Variants in ELMO1 observed in about 807,000 individuals in gnomAD.
ELMO1 encodes engulfment and cell motility protein 1.
Under a neutral mutation model 98.9 loss-of-function variants are expected in ELMO1, and 26 were observed. The ratio of observed to expected loss-of-function variants is 0.26; its 90% CI spans 0.19 to 0.36. ELMO1 has a LOEUF of 0.36. ELMO1 is among the 10% of genes least tolerant of loss of function. The pLI, the probability that ELMO1 is intolerant of heterozygous loss-of-function variation, is 1.00. For missense variants in ELMO1, 627 were observed against 935.2 expected (o/e 0.67, Z 4.30); for synonymous variants, 346 against 346.0 (o/e 1.00, Z 0.00).
chr7:37,154,998 G>C (rs1788634961), intron 13 of ELMO1, among the ~76,000 whole-genome samples: 1 of 152,126 alleles, frequency 6.6e-6, no homozygotes. Flanking sequence ...AAGAGAGTAG[G>C]GGCCAATATT....
At chr7:36,929,663 T>G (rs1785869492) in intron 16 of ELMO1, among the ~76,000 whole-genome samples, 1 of 152,220 alleles carries the variant, frequency 6.6e-6, no homozygotes, top group South Asian at 2.1e-4. Context: ...AAGCAGCTGA[T>G]GACTTTTATA....
At chr7:37,293,631 T>A (rs1171808521) in intron 4 of ELMO1, among the ~76,000 whole-genome samples, 1 of 106,076 alleles carries the variant, frequency 9.4e-6, no homozygotes, top group Admixed American at 9.7e-5. Context: ...CTTTGTTCAC[T>A]TGTTTATCTG....
At chr7:37,227,602 T>TA (rs1035533545) in intron 8 of ELMO1, among the ~76,000 whole-genome samples, 2 of 152,130 alleles carry the variant, frequency 1.3e-5, no homozygotes, top group Admixed American at 6.5e-5. Context: ...GCCAGGCTGA[T>TA]ATCGAACTCC....
intron 13 of ELMO1, among the ~76,000 whole-genome samples, chr7:37,171,935 T>C (rs1418079428): frequency 2.6e-5 from 4 of 152,212 alleles, no homozygotes; most frequent in Non-Finnish European, 4.4e-5. Flanking sequence ...AGTTGGGTCT[T>C]TTGTTTTTGA....
chr7:37,204,294 C>T (rs780778367), intron 13 of ELMO1: 7 of 447,676 alleles, frequency 1.6e-5, no homozygotes, highest in East Asian at 1.4e-4. Flanking sequence ...TTCTGATGTT[C>T]GGACATGTCC....
At chr7:37,321,416 T>C (rs1562611606) in intron 2 of ELMO1, among the ~76,000 whole-genome samples, 1 of 152,034 alleles carries the variant, frequency 6.6e-6, no homozygotes, top group Non-Finnish European at 1.5e-5. Context: ...TTTCATTTCA[T>C]TGAAAGAAAA....
intron 16 of ELMO1, among the ~76,000 whole-genome samples, chr7:36,956,999 T>G (rs543877563): frequency 6.6e-6 from 1 of 152,368 alleles, no homozygotes; most frequent in South Asian, 2.1e-4. Context: ...GTTGTCGATT[T>G]CCCACAAACT....
chr7:36,889,620 A>G (rs571991394), intron 17 of ELMO1, among the ~76,000 whole-genome samples: 6 of 152,364 alleles, frequency 3.9e-5, no homozygotes, highest in Admixed American at 3.9e-4. Context: ...AGTTATTAAA[A>G]TGGAGTGGAG....
At chr7:37,143,711 A>AT (rs11407170) in intron 13 of ELMO1, among the ~76,000 whole-genome samples, 95,886 of 115,978 alleles carry the variant, frequency 0.83, 40,298 homozygotes, top group Non-Finnish European at 0.9. Flanking sequence ...CAGCCGGTCG[A>AT]TTTTTTTTTT....
At chr7:36,882,848 C>A (rs1804596082) in intron 18 of ELMO1, among the ~76,000 whole-genome samples, 1 of 152,200 alleles carries the variant, frequency 6.6e-6, no homozygotes, top group Admixed American at 6.5e-5. Flanking sequence ...ACACTACTGT[C>A]CCTCCATCTT....
At chr7:37,144,898 A>G (rs1787883744) in intron 13 of ELMO1, among the ~76,000 whole-genome samples, 1 of 152,194 alleles carries the variant, frequency 6.6e-6, no homozygotes, top group African/African-American at 2.4e-5. Context: ...TCACACATCC[A>G]AGGGAAAATA....
At chr7:37,376,708 A>G (rs1802364445) in intron 1 of ELMO1, among the ~76,000 whole-genome samples, 1 of 152,218 alleles carries the variant, frequency 6.6e-6, no homozygotes, top group Admixed American at 6.5e-5. Context: ...TAAAAACGCT[A>G]GCCTCCAAGC....
Position 37,112,322 on chromosome 7 carries a change from A to G in ELMO1, c.1192-15595T>C, listed in dbSNP as rs1034245349. ...GTGACATGGAAGCAAAACTAATGAA[A>G]GAGGAGCCTAAAGGGTGAGGTTCTG... On this transcript the variant is annotated intron_variant, in intron 14 of 21. Coordinates refer to ENST00000310758, the MANE Select transcript of ELMO1 (RefSeq NM_014800.11). Among the ~76,000 whole-genome samples the G allele has an allele frequency of 2.6e-5, 4 of 152,166 alleles. No individual in the cohort carries two copies. The South Asian group carries it at 8.3e-4, about 31-fold the overall frequency.
At chr7:37,191,083 G>A (rs1791541386) in intron 13 of ELMO1, among the ~76,000 whole-genome samples, 1 of 151,220 alleles carries the variant, frequency 6.6e-6, no homozygotes, top group Admixed American at 6.6e-5. Flanking sequence ...CAGCTACTCA[G>A]GAGGCTGAGG....
At chr7:37,345,470 G>C (rs956756597) in intron 1 of ELMO1, among the ~76,000 whole-genome samples, 2 of 152,030 alleles carry the variant, frequency 1.3e-5, no homozygotes, top group Non-Finnish European at 2.9e-5. Flanking sequence ...CCAACACTTT[G>C]AGACTGAGGC....
Position 36,932,569 on chromosome 7 carries a change from C to A in ELMO1, c.1438-37552G>T, listed in dbSNP as rs183872998. 1.7e-4 allele frequency among the ~76,000 whole-genome samples: 26 copies of A among 152,298 alleles called. No homozygotes were observed. In the East Asian group the frequency reaches 5.0e-3, roughly 29 times the overall value. On this transcript the variant is annotated intron_variant, in intron 16 of 21. Transcript: ENST00000310758. ...AGAATACAGTGCAAAGTAAGTGAAACAAACTAAGTGAACGAAGTGAAACAA... is the reference window on the plus strand; with the variant it reads ...AGAATACAGTGCAAAGTAAGTGAAAAAAACTAAGTGAACGAAGTGAAACAA...
intron 1 of ELMO1, among the ~76,000 whole-genome samples, chr7:37,443,181 A>G (rs1383067037): frequency 1.3e-5 from 2 of 152,220 alleles, no homozygotes; most frequent in East Asian, 1.9e-4. Flanking sequence ...TCAAACCACC[A>G]TTCCCTATCC....
chr7:37,426,672 T>C (rs1182566505), intron 1 of ELMO1, among the ~76,000 whole-genome samples: 2 of 152,160 alleles, frequency 1.3e-5, no homozygotes, highest in African/African-American at 4.8e-5. Context: ...TCAGTCCTTG[T>C]CTCGCCTCAG....
chr7:37,361,657 AATTAC>A (rs1491002379), intron 1 of ELMO1, among the ~76,000 whole-genome samples: 1 of 152,222 alleles, frequency 6.6e-6, no homozygotes, highest in African/African-American at 2.4e-5. Flanking sequence ...GAAAAGGCAA[AATTAC>A]ATTGATAGCA....
Sources: allele counts gnomAD v4.1 joint callset (sites outside exome capture counted in the v4.1 genomes callset), GRCh38; gene constraint gnomAD v4.1.1; transcripts MANE v1.5; gene names NCBI Gene and HGNC (gene_info 2026-07-23, HGNC 2026-07-21).